CFAP58: variants seen among roughly 807,000 people sequenced by gnomAD.
The protein encoded by CFAP58 is cilia and flagella associated protein 58, also known as cilia- and flagella-associated protein 58.
A neutral mutation model predicts 119.5 loss-of-function variants in CFAP58; 88 were observed. The ratio of observed to expected loss-of-function variants is 0.74; its 90% CI spans 0.62 to 0.88. The LOEUF (loss-of-function observed/expected upper bound fraction) is 0.88, where lower values mean the gene tolerates loss of function less well. CFAP58 is among the 40% of genes least tolerant of loss of function. CFAP58 has a pLI of 0.00. For missense variants in CFAP58, 990 were observed against 1,021.2 expected (o/e 0.97, Z 0.42); for synonymous variants, 365 against 366.3 (o/e 1.00, Z 0.04).
At chr10:104,430,280 C>T (rs1368863451) in intron 15 of CFAP58, among the ~76,000 whole-genome samples, 4 of 152,130 alleles carry the variant, frequency 2.6e-5, no homozygotes, top group Admixed American at 6.5e-5. Flanking sequence ...ATACTAGAAT[C>T]GTCACTTTCC....
chr10:104,376,502 C>CAAAAAAAAAAAAAA (rs1282859666), intron 7 of CFAP58, among the ~76,000 whole-genome samples: 2 of 48,234 alleles, frequency 4.1e-5, no homozygotes, highest in Non-Finnish European at 4.7e-5. Flanking sequence ...AACTCCGTCT[C>CAAAAAAAAAAAAAA]AAAAAAAAAA....
the CFAP58 span, among the ~76,000 whole-genome samples, chr10:104,339,208 A>G: frequency 2.0e-5 from 3 of 152,212 alleles, no homozygotes; most frequent in African/African-American, 4.8e-5. Context: ...AATCAAATGC[A>G]TGGTTGCTTT....
intron 7 of CFAP58, among the ~76,000 whole-genome samples, chr10:104,371,454 A>G (rs2014822542): frequency 6.6e-6 from 1 of 152,242 alleles, no homozygotes; most frequent in Non-Finnish European, 1.5e-5. Context: ...TATTGCACTA[A>G]GAATCAGCGG....
At chr10:104,389,638 T>C (rs2011993568) in intron 9 of CFAP58, among the ~76,000 whole-genome samples, 1 of 152,204 alleles carries the variant, frequency 6.6e-6, no homozygotes, top group Non-Finnish European at 1.5e-5. Flanking sequence ...ATCCATTCTA[T>C]GGTGAAGTCA....
chr10:104,380,212 A>C lies in CFAP58; in HGVS notation c.1357A>C (p.Thr453Pro). 6.2e-7 allele frequency: 1 copy of C among 1,613,606 alleles called. No homozygotes were observed. The highest frequency in any genetic ancestry group is 1.1e-5 in the South Asian group (1 of 90,992). The change falls in exon 9 of 18, where the codon ACG becomes CCG. Residue 453 changes from threonine (T) to proline (P), a missense_variant. Physicochemically the swap from Thr to Pro is conservative, Grantham distance 38. Coordinates refer to ENST00000369704, the MANE Select transcript of CFAP58 (RefSeq NM_001008723.2). ...GTACATCAACCAAGCCAGTGACCTTACGCAAAAGGTAAGCTGCTCAGTGAT... is the reference window on the plus strand; with the variant it reads ...GTACATCAACCAAGCCAGTGACCTTCCGCAAAAGGTAAGCTGCTCAGTGAT... Reference protein sequence around the residue: ...DRYINQASDLTQKVLMNMEDI... With the variant: ...DRYINQASDLPQKVLMNMEDI...
chr10:104,357,938 T>TATGTAC (rs1463999135), intron 1 of CFAP58, among the ~76,000 whole-genome samples: 2 of 119,252 alleles, frequency 1.7e-5, no homozygotes, highest in Non-Finnish European at 3.3e-5. Context: ...TATACACACA[T>TATGTAC]ATATGTACAC....
At chr10:104,426,635 A>G (rs1309199576) in intron 15 of CFAP58, among the ~76,000 whole-genome samples, 1 of 152,240 alleles carries the variant, frequency 6.6e-6, no homozygotes, top group Non-Finnish European at 1.5e-5. Context: ...TAGAGACTCC[A>G]GTAATCCTTT....
intron 5 of CFAP58, among the ~76,000 whole-genome samples, chr10:104,366,896 G>A (rs2014758274): frequency 6.6e-6 from 1 of 151,430 alleles, no homozygotes; most frequent in South Asian, 2.1e-4. Context: ...TTGAGATGGA[G>A]TCTCTCTGTC....
chr10:104,404,839 C>T (rs146281558), intron 14 of CFAP58, among the ~76,000 whole-genome samples: 2,004 of 152,258 alleles, frequency 0.013, 52 homozygotes, highest in African/African-American at 0.045. Flanking sequence ...CCTCGTGATC[C>T]GCCCACCTCA....
upstream of CFAP58, chr10:104,351,653 C>T (rs2014460787): frequency 6.6e-6 from 1 of 152,112 alleles, no homozygotes; most frequent in Non-Finnish European, 1.5e-5. Context: ...TATCTCACAC[C>T]ATATGGGAAG....
At chr10:104,390,726 T>A (rs185535308) in intron 9 of CFAP58, among the ~76,000 whole-genome samples, 317 of 152,262 alleles carry the variant, frequency 2.1e-3, no homozygotes, top group Non-Finnish European at 3.4e-3. Flanking sequence ...GAAGAGGGGC[T>A]GATGTTGAAG....
chr10:104,395,050 A>G (rs1271967849), intron 11 of CFAP58, among the ~76,000 whole-genome samples: 1 of 152,242 alleles, frequency 6.6e-6, no homozygotes, highest in Non-Finnish European at 1.5e-5. Context: ...TGCTCTATTC[A>G]AAAGATTAAT....
At chr10:104,349,864 G>A (rs1475831113), upstream of CFAP58, among the ~76,000 whole-genome samples, 1 of 152,236 alleles carries the variant, frequency 6.6e-6, no homozygotes, top group Non-Finnish European at 1.5e-5. Flanking sequence ...AAGAGAGAAA[G>A]AGAGAGAGTC....
In CFAP58 at chr10:104,353,845, A is replaced by C. The variant is rs2014502657; in HGVS notation, c.-53A>C. ...TAGCTTCTTTCCCAGACTCCGGCCC[A>C]GCTCCTGCGATCTCCACAGCAGCCT... On this transcript the variant is annotated 5_prime_UTR_variant, in exon 1 of 18. Coordinates refer to ENST00000369704, the MANE Select transcript of CFAP58 (RefSeq NM_001008723.2). The C allele has an allele frequency of 6.3e-7, 1 of 1,595,164 alleles. No individual in the cohort carries two copies.
At chr10:104,445,349 C>CAAA (rs368336887) in intron 15 of CFAP58, among the ~76,000 whole-genome samples, 12 of 149,542 alleles carry the variant, frequency 8.0e-5, no homozygotes, top group African/African-American at 2.5e-4. Flanking sequence ...ACAACAACAA[C>CAAA]AAAAAACAAA....
chr10:104,348,361 T>C, the CFAP58 span, among the ~76,000 whole-genome samples: 1 of 152,220 alleles, frequency 6.6e-6, no homozygotes, highest in African/African-American at 2.4e-5. Context: ...TGGGTACTAT[T>C]GAAGAGGTGA....
At chr10:104,394,536 TA>T (rs2012113839) in intron 11 of CFAP58, among the ~76,000 whole-genome samples, 1 of 152,244 alleles carries the variant, frequency 6.6e-6, no homozygotes, top group Non-Finnish European at 1.5e-5. Context: ...CTCAATTTAA[TA>T]ATGAGTTTTG....
At position 104,454,354 on chromosome 10, in the gene CFAP58, GA is replaced by G. The variant is rs2013243533; in HGVS notation, c.2511-67del. On this transcript the variant is annotated intron_variant, in intron 17 of 17. Transcript: ENST00000369704. ...GTTTTCAGTGGCTAACACACCCTAG[GA>G]TTATCAAATGTCAAACTTAGACAAA... 8.9e-6 allele frequency: 11 copies of G among 1,238,676 alleles called. No individual in the cohort carries two copies. The South Asian group carries it at 1.2e-4, about 14-fold the overall frequency. 76.7% of individuals were successfully genotyped at this position (1,238,676 alleles called of 1,614,324 possible). A position where few individuals can be genotyped will look rare whatever the true frequency, so the allele number is the denominator to read the frequency against.
chr10:104,348,505 T>C, the CFAP58 span, among the ~76,000 whole-genome samples: 1 of 152,188 alleles, frequency 6.6e-6, no homozygotes, highest in Admixed American at 6.5e-5. Context: ...ATTTGAGATA[T>C]CTGGCAGAAA....
Sources: allele counts gnomAD v4.1 joint callset (sites outside exome capture counted in the v4.1 genomes callset), GRCh38; gene constraint gnomAD v4.1.1; transcripts MANE v1.5; gene names NCBI Gene and HGNC (gene_info 2026-07-23, HGNC 2026-07-21).